ZNF697: variants seen among roughly 807,000 people sequenced by gnomAD.
ZNF697 encodes zinc finger protein 697.
In ZNF697, 23 loss-of-function variants were observed where a neutral mutation model predicts 32.4. That is an observed-to-expected ratio of 0.71 (90% confidence interval 0.51 to 1.01). The LOEUF is 1.01. ZNF697 is among the 50% of genes least tolerant of loss of function. The probability of loss-of-function intolerance (pLI) is 0.00; values close to 1 mark genes in which losing one functional copy is unlikely to be tolerated. For synonymous variants in ZNF697, 418 were observed against 337.2 expected (o/e 1.24, Z -2.62); for missense variants, 930 against 794.0 (o/e 1.17, Z -2.06).
chr1:119,635,643 T>C (rs996936376), intron 1 of ZNF697, among the ~76,000 whole-genome samples: 2 of 152,278 alleles, frequency 1.3e-5, no homozygotes, highest in South Asian at 2.1e-4. Flanking sequence ...GAGTGTCCAG[T>C]AGATTAAGTA....
Position 119,626,030 on chromosome 1 carries a change from A to G in ZNF697, c.71T>C (p.Phe24Ser). Reference protein sequence around the residue: ...DSEDKGMGSDFEDSEDREGDP... With the variant: ...DSEDKGMGSDSEDSEDREGDP... ...CCCTTCCCTGTCCTCAGAGTCCTCA[A>G]AATCAGAACCCATCCCTTTGTCTTC... The change falls in exon 2 of 3, where the codon TTT (phenylalanine) becomes TCT (serine). Residue 24 changes from phenylalanine (F) to serine (S), a missense_variant. By Grantham distance (155) the Phe-to-Ser change is radical. Transcript: ENST00000421812. The G allele has an allele frequency of 6.2e-7, 1 of 1,613,636 alleles. No homozygotes were observed. The highest frequency in any genetic ancestry group is 1.3e-5 in the African/African-American group (1 of 75,004).
intron 1 of ZNF697, among the ~76,000 whole-genome samples, chr1:119,637,672 G>A (rs765834088): frequency 5.3e-5 from 8 of 151,934 alleles, no homozygotes; most frequent in African/African-American, 9.7e-5. Context: ...TTTTCCTATT[G>A]TAGTTTCAGT....
chr1:119,623,195 C>A lies in ZNF697; in HGVS notation c.1148G>T (p.Cys383Phe). The A allele has an allele frequency of 6.4e-7, 1 of 1,564,642 alleles. No homozygotes were observed. Among genetic ancestry groups the A allele is most frequent in the Admixed American group, 1.8e-5 (1 of 56,172 alleles). The change falls in exon 3 of 3, where the codon TGT becomes TTT. Residue 383 changes from cysteine (C) to phenylalanine (F), a missense_variant. Coordinates refer to ENST00000421812, the MANE Select transcript of ZNF697 (RefSeq NM_001080470.2). Reference sequence around the variant, plus strand: ...GCTGAAGCGCTTGCCGCACTCGCCACAGCCGTGCGGCTTCTCGCCCGTGTG... The same window carrying A: ...GCTGAAGCGCTTGCCGCACTCGCCAAAGCCGTGCGGCTTCTCGCCCGTGTG... ...RIHTGEKPHG[C>F]GECGKRFSWR...
intron 1 of ZNF697, among the ~76,000 whole-genome samples, chr1:119,633,382 G>C (rs1648835215): frequency 1.4e-5 from 2 of 146,896 alleles, no homozygotes; most frequent in East Asian, 3.9e-4. Flanking sequence ...GTGTGTGTGT[G>C]TGTGTGTGTG....
chr1:119,633,938 G>GT (rs1207680069), intron 1 of ZNF697, among the ~76,000 whole-genome samples: 2 of 152,190 alleles, frequency 1.3e-5, no homozygotes, highest in Non-Finnish European at 2.9e-5. Flanking sequence ...TGGGGTCCTA[G>GT]TTGTGTAACA....
At chr1:119,636,211 T>C (rs587732370) in intron 1 of ZNF697, among the ~76,000 whole-genome samples, 14 of 152,282 alleles carry the variant, frequency 9.2e-5, no homozygotes, top group Non-Finnish European at 1.8e-4. Context: ...ATGGTATTTT[T>C]CTTGAGCATG....
At position 119,620,453 on chromosome 1, in the gene ZNF697, A is replaced by C. The variant is rs1420154996; in HGVS notation, c.*2252T>G. ...ATAGGCACAGACTTGAGAAAACTTA[A>C]AACAGCTGGAAGAGGTAGATGTACA... On this transcript the variant is annotated 3_prime_UTR_variant, in exon 3 of 3. Coordinates refer to ENST00000421812, the MANE Select transcript of ZNF697 (RefSeq NM_001080470.2). The C allele has an allele frequency of 1.3e-5, 2 of 152,642 alleles. No individual in the cohort carries two copies. The highest frequency in any genetic ancestry group is 6.5e-5 in the Admixed American group (1 of 15,286). 9.5% of individuals were successfully genotyped at this position (152,642 alleles called of 1,614,324 possible). A position where few individuals can be genotyped will look rare whatever the true frequency, so the allele number is the denominator to read the frequency against.
chr1:119,634,262 A>C (rs1648861571), intron 1 of ZNF697, among the ~76,000 whole-genome samples: 1 of 152,192 alleles, frequency 6.6e-6, no homozygotes, highest in African/African-American at 2.4e-5. Context: ...GCACACATTC[A>C]ATCACCCCAG....
intron 1 of ZNF697, among the ~76,000 whole-genome samples, chr1:119,628,868 C>T (rs1401917828): frequency 6.6e-6 from 1 of 152,158 alleles, no homozygotes; most frequent in Non-Finnish European, 1.5e-5. Context: ...TATATGCATA[C>T]TAACATGTAT....
chr1:119,647,729 T>A lies in ZNF697; in HGVS notation c.-76A>T, dbSNP rs1649253368. ...TCCAAGCTCCTCCCTGGGCTTGGTTTCTCCGAGGGTCTCTGATGCCCCCTT... is the reference window on the plus strand; with the variant it reads ...TCCAAGCTCCTCCCTGGGCTTGGTTACTCCGAGGGTCTCTGATGCCCCCTT... On this transcript the variant is annotated 5_prime_UTR_variant, in exon 1 of 3. Coordinates refer to ENST00000421812, the MANE Select transcript of ZNF697 (RefSeq NM_001080470.2). 6.6e-6 allele frequency: 1 copy of A among 152,462 alleles called. No homozygotes were observed. The highest frequency in any genetic ancestry group is 2.4e-5 in the African/African-American group (1 of 41,418). 9.4% of individuals were successfully genotyped at this position (152,462 alleles called of 1,614,324 possible). A position where few individuals can be genotyped will look rare whatever the true frequency, so the allele number is the denominator to read the frequency against.
intron 1 of ZNF697, among the ~76,000 whole-genome samples, chr1:119,641,766 C>T (rs185745506): frequency 6.6e-6 from 1 of 152,268 alleles, no homozygotes; most frequent in East Asian, 1.9e-4. Flanking sequence ...AGCTTTTCCC[C>T]CTTTGCTCGG....
intron 1 of ZNF697, among the ~76,000 whole-genome samples, chr1:119,647,459 C>G (rs1302121411): frequency 1.3e-5 from 2 of 152,158 alleles, no homozygotes; most frequent in Admixed American, 6.5e-5. Context: ...TGTCATTTGC[C>G]CGGTCTGATG....
At chr1:119,631,013 A>C (rs1214888873) in intron 1 of ZNF697, among the ~76,000 whole-genome samples, 2 of 152,366 alleles carry the variant, frequency 1.3e-5, no homozygotes, top group East Asian at 3.9e-4. Flanking sequence ...TGTGAAATCT[A>C]TCCCTATTGA....
chr1:119,648,224 G>GGCTGGCTGGCTGGCTC lies in ZNF697; in HGVS notation c.-572_-571insGAGCCAGCCAGCCAGC, dbSNP rs1553230602. 5.3e-5 allele frequency among the ~76,000 whole-genome samples: 8 copies of GGCTGGCTGGCTGGCTC among 150,666 alleles called. No homozygotes were observed. Among genetic ancestry groups the GGCTGGCTGGCTGGCTC allele is most frequent in the Non-Finnish European group, 1.0e-4 (7 of 67,830 alleles). On this transcript the variant is annotated 5_prime_UTR_variant, in exon 1 of 3. Coordinates refer to ENST00000421812, the MANE Select transcript of ZNF697 (RefSeq NM_001080470.2). Reference sequence around the variant, plus strand: ...TGGTTGGCTGGCTGGCTGGCTGGCTGGCTGGCTGGCTCGCTGGCTGGCTGC... The same window carrying GGCTGGCTGGCTGGCTC: ...TGGTTGGCTGGCTGGCTGGCTGGCTGGCTGGCTGGCTGGCTCGCTGGCTGGCTCGCTGGCTGGCTGC...
chr1:119,629,682 T>C (rs1648705276), intron 1 of ZNF697, among the ~76,000 whole-genome samples: 1 of 152,214 alleles, frequency 6.6e-6, no homozygotes, highest in Admixed American at 6.5e-5. Context: ...TGGTAGTTAT[T>C]ACTATGATGA....
rs1648305518 is a variant in ZNF697, at chr1:119,621,407, A to C, written c.*1298T>G. On this transcript the variant is annotated 3_prime_UTR_variant, in exon 3 of 3. Coordinates refer to ENST00000421812, the MANE Select transcript of ZNF697 (RefSeq NM_001080470.2). ...GAGAAACAGCTAACAATTATTAAAA[A>C]GCATAAAGCACTTTGCAAATATCAA... The C allele has an allele frequency of 6.6e-6, 1 of 152,662 alleles. No individual in the cohort carries two copies. Among genetic ancestry groups the C allele is most frequent in the Admixed American group, 6.5e-5 (1 of 15,290 alleles). 9.5% of individuals were successfully genotyped at this position (152,662 alleles called of 1,614,324 possible).
Position 119,622,768 on chromosome 1 carries a change from G to T in ZNF697, c.1575C>A (p.Gly525=), listed in dbSNP as rs1054638060. Residue 525 remains glycine (G), a synonymous_variant, in exon 3 of 3, where the codon GGC becomes GGA. Transcript: ENST00000421812. ...TTTTATAGCGGAAGCCTTTGCCGCA[G>T]CCCGCACACTTGTGCGGCTTGTTGC... ...HTGNKPHKCA[G]CGKGFRYKTH... The T allele has an allele frequency of 3.8e-6, 6 of 1,586,778 alleles. No homozygotes were observed. Among genetic ancestry groups the T allele is most frequent in the Admixed American group, 3.6e-5 (2 of 55,334 alleles).
intron 1 of ZNF697, among the ~76,000 whole-genome samples, chr1:119,639,380 A>C (rs1178966828): frequency 2.0e-5 from 3 of 152,190 alleles, no homozygotes; most frequent in Non-Finnish European, 4.4e-5. Flanking sequence ...ACTTGGTCAT[A>C]TAAGCACAGA....
chr1:119,625,536 C>T (rs1350949870), intron 2 of ZNF697, among the ~76,000 whole-genome samples: 1 of 152,214 alleles, frequency 6.6e-6, no homozygotes, highest in Admixed American at 6.5e-5. Flanking sequence ...TGCAGCAACT[C>T]ATTTAACTCT....
Sources: gnomAD v4.1 joint callset for allele counts (sites outside exome capture counted in the v4.1 genomes callset) on GRCh38, gnomAD v4.1.1 for gene constraint, MANE v1.5 for transcripts, NCBI Gene and HGNC (gene_info 2026-07-23, HGNC 2026-07-21) for gene names.